Variants in GNB4 observed in about 807,000 individuals in gnomAD.
GNB4 encodes G protein subunit beta 4.
Under a neutral mutation model 45.2 loss-of-function variants are expected in GNB4, and 28 were observed. The ratio of observed to expected loss-of-function variants is 0.62; its 90% CI spans 0.46 to 0.85. GNB4 has a LOEUF of 0.85. Among genes scored for constraint, GNB4 ranks in the 40% least tolerant of loss-of-function variants. The pLI, the probability that GNB4 is intolerant of heterozygous loss-of-function variation, is 0.00. For synonymous variants in GNB4, 132 were observed against 143.7 expected, an observed-to-expected ratio of 0.92 and a Z score of 0.58; for missense variants, 321 against 425.4, an observed-to-expected ratio of 0.75 and a Z score of 2.16.
chr3:179,480,472 C>T, the GNB4 span, among the ~76,000 whole-genome samples: 1 of 152,162 alleles, frequency 6.6e-6, no homozygotes, highest in Non-Finnish European at 1.5e-5. Context: ...ACTTCTCCTT[C>T]TCTCCATCAT....
At chr3:179,503,362 ATATT>A in the GNB4 span, among the ~76,000 whole-genome samples, 4 of 152,242 alleles carry the variant, frequency 2.6e-5, no homozygotes, top group African/African-American at 9.6e-5. Flanking sequence ...ATACAGCAAA[ATATT>A]CATTATAGAA....
chr3:179,464,979 T>TA, the GNB4 span: 8 of 1,539,112 alleles, frequency 5.2e-6, no homozygotes, highest in Non-Finnish European at 7.2e-6. Flanking sequence ...ATTGCAATGT[T>TA]ACTGCACACA....
chr3:179,512,005 T>A, the GNB4 span, among the ~76,000 whole-genome samples: 54 of 152,360 alleles, frequency 3.5e-4, no homozygotes, highest in Non-Finnish European at 7.2e-4. Context: ...TTAATTTGAA[T>A]TAAACTATCC....
intron 3 of GNB4, 56 bp from the exon 4 acceptor site, chr3:179,419,561 C>T: frequency 1.9e-6 from 2 of 1,067,250 alleles, no homozygotes; most frequent in South Asian, 1.3e-5. Flanking sequence ...CATGAGATAA[C>T]TTGAACTAGA....
At chr3:179,434,142 T>C (rs934340255) in intron 1 of GNB4, among the ~76,000 whole-genome samples, 2 of 152,188 alleles carry the variant, frequency 1.3e-5, no homozygotes, top group African/African-American at 2.4e-5. Context: ...AAGGAATCTA[T>C]AGTACATGTG....
At chr3:179,404,356 T>C (rs2108578751) in intron 9 of GNB4, among the ~76,000 whole-genome samples, 1 of 152,284 alleles carries the variant, frequency 6.6e-6, no homozygotes, top group Non-Finnish European at 1.5e-5. Context: ...CAACAACAGA[T>C]AACACCTGAA....
chr3:179,527,097 G>A, the GNB4 span, among the ~76,000 whole-genome samples: 2 of 152,128 alleles, frequency 1.3e-5, no homozygotes, highest in Admixed American at 6.6e-5. Context: ...TGGAGAGAGT[G>A]TTTATAGTGC....
chr3:179,465,101 G>C, the GNB4 span: 1 of 1,428,744 alleles, frequency 7.0e-7, no homozygotes, highest in Non-Finnish European at 9.9e-7. Flanking sequence ...TGTAATATCT[G>C]CTGCAGGTAT....
At chr3:179,502,228 C>CTTTT in the GNB4 span, among the ~76,000 whole-genome samples, 772 of 72,774 alleles carry the variant, frequency 0.011, no homozygotes, top group East Asian at 0.024. Context: ...TTTTTCTTTT[C>CTTTT]TTTTTTTTTT....
the GNB4 span, among the ~76,000 whole-genome samples, chr3:179,520,272 C>T: frequency 6.6e-6 from 1 of 151,632 alleles, no homozygotes; most frequent in East Asian, 1.9e-4. Flanking sequence ...ATTTCTTCCT[C>T]AGCTGTTACC....
chr3:179,488,974 A>G, the GNB4 span, among the ~76,000 whole-genome samples: 1 of 104,032 alleles, frequency 9.6e-6, no homozygotes, highest in Non-Finnish European at 1.8e-5. Flanking sequence ...ACACAGTGAG[A>G]TCCTGTATCC....
At chr3:179,527,534 T>C in the GNB4 span, among the ~76,000 whole-genome samples, 1 of 152,190 alleles carries the variant, frequency 6.6e-6, no homozygotes, top group African/African-American at 2.4e-5. Flanking sequence ...TTTTCAAGAA[T>C]CCAATGAGAA....
At chr3:179,445,884 T>C (rs1256590999) in intron 1 of GNB4, among the ~76,000 whole-genome samples, 1 of 152,188 alleles carries the variant, frequency 6.6e-6, no homozygotes, top group Non-Finnish European at 1.5e-5. Context: ...CTACACAGTA[T>C]ATGAACAAAC....
At chr3:179,463,175 T>C in the GNB4 span, among the ~76,000 whole-genome samples, 1 of 152,178 alleles carries the variant, frequency 6.6e-6, no homozygotes, top group Non-Finnish European at 1.5e-5. Flanking sequence ...ATGTCCGTAG[T>C]CACTCGAAAC....
intron 1 of GNB4, among the ~76,000 whole-genome samples, chr3:179,442,264 T>C (rs1245433993): frequency 6.6e-6 from 1 of 152,214 alleles, no homozygotes; most frequent in Non-Finnish European, 1.5e-5. Flanking sequence ...TTTTACACAA[T>C]ACGTTTTGAA....
At chr3:179,413,141 G>T (rs989982042) in intron 8 of GNB4, among the ~76,000 whole-genome samples, 3 of 151,978 alleles carry the variant, frequency 2.0e-5, no homozygotes, top group African/African-American at 4.8e-5. Context: ...CTGCACCGCT[G>T]CACTCCAGCC....
At chr3:179,493,077 T>A in the GNB4 span, among the ~76,000 whole-genome samples, 1 of 152,198 alleles carries the variant, frequency 6.6e-6, no homozygotes, top group Non-Finnish European at 1.5e-5. Flanking sequence ...GTTAAAAGAC[T>A]GTTTCCACTG....
At chr3:179,473,764 C>T in the GNB4 span, among the ~76,000 whole-genome samples, 1,161 of 152,242 alleles carry the variant, frequency 7.6e-3, 20 homozygotes, top group African/African-American at 0.027. Flanking sequence ...AAAAGAAATT[C>T]CAGCCTGTTA....
chr3:179,504,826 T>C, the GNB4 span, among the ~76,000 whole-genome samples: 2 of 152,150 alleles, frequency 1.3e-5, no homozygotes, highest in African/African-American at 2.4e-5. Context: ...TCTAGAGGTC[T>C]GTCTGCCTGA....
Sources: allele counts gnomAD v4.1 joint callset (sites outside exome capture counted in the v4.1 genomes callset), GRCh38; gene constraint gnomAD v4.1.1; transcripts MANE v1.5; gene names NCBI Gene and HGNC (gene_info 2026-07-23, HGNC 2026-07-21).